The following MYPN variants were observed in gnomAD, a reference collection of about 807,000 sequenced individuals.
The protein encoded by MYPN is myopalladin.
Under a neutral mutation model 129.4 loss-of-function variants are expected in MYPN, and 63 were observed. The observed-to-expected ratio is 0.49, with a 90% CI of 0.40 to 0.60. The LOEUF (loss-of-function observed/expected upper bound fraction) is 0.60. MYPN is among the 20% of genes least tolerant of loss of function. The pLI, the probability that MYPN is intolerant of heterozygous loss-of-function variation, is 0.00. For missense variants in MYPN, 1,596 were observed against 1,635.4 expected, an observed-to-expected ratio of 0.98 and a Z score of 0.42; for synonymous variants, 629 against 600.9, an observed-to-expected ratio of 1.05 and a Z score of -0.68.
intron 2 of MYPN, chr10:68,136,592 T>C: frequency 6.7e-7 from 1 of 1,499,528 alleles, no homozygotes; most frequent in Non-Finnish European, 8.9e-7. Context: ...TACCGATTGT[T>C]TTTTTAGGCC....
chr10:68,123,820 G>C (rs2042287491), intron 2 of MYPN, among the ~76,000 whole-genome samples: 1 of 152,090 alleles, frequency 6.6e-6, no homozygotes, highest in African/African-American at 2.4e-5. Flanking sequence ...GACAGCGCAG[G>C]GCTACAATTT....
chr10:68,184,245 G>A (rs2043384913), intron 12 of MYPN, among the ~76,000 whole-genome samples: 3 of 152,216 alleles, frequency 2.0e-5, no homozygotes, highest in African/African-American at 7.2e-5. Flanking sequence ...ACTGGAAACA[G>A]ACTATGTGAG....
intron 1 of MYPN, among the ~76,000 whole-genome samples, chr10:68,120,378 A>G (rs1216490032): frequency 6.6e-6 from 1 of 152,232 alleles, no homozygotes; most frequent in Non-Finnish European, 1.5e-5. Context: ...TATAATTAAA[A>G]TTCAAAAGTT....
chr10:68,166,778 G>C (rs748229007), intron 10 of MYPN, 112 bp downstream of exon 10: 4 of 1,444,650 alleles, frequency 2.8e-6, no homozygotes, highest in Non-Finnish European at 3.8e-6. Context: ...CCTGTAATCC[G>C]AGCACTTTGG....
At chr10:68,099,345 G>A (rs1267583536) in intron 1 of MYPN, among the ~76,000 whole-genome samples, 1 of 152,156 alleles carries the variant, frequency 6.6e-6, no homozygotes, top group Admixed American at 6.5e-5. Context: ...GGGCAGGAGT[G>A]TTGTTTTGTT....
At position 68,197,454 on chromosome 10, in the gene MYPN, G is replaced by A. The variant is rs758210179; in HGVS notation, c.3261G>A (p.Gly1087=). Residue 1087 remains glycine, a synonymous_variant, in exon 16 of 20, where the codon GGG becomes GGA. Coordinates refer to ENST00000358913, the MANE Select transcript of MYPN (RefSeq NM_032578.4). ...QAPGDMVAHE[G]RLCRLDCKVS... ...CTGGGGATATGGTAGCTCATGAGGG[G>A]CGCCTCTGTCGGCTGGACTGTAAGG... is the stretch of plus-strand genomic sequence containing the variant. 3.2e-5 allele frequency: 52 copies of A among 1,613,864 alleles called. No homozygotes were observed. Among genetic ancestry groups the A allele is most frequent in the Non-Finnish European group, 4.3e-5 (51 of 1,179,934 alleles).
chr10:68,089,906 C>T (rs528537548), intron 1 of MYPN, among the ~76,000 whole-genome samples: 16 of 152,208 alleles, frequency 1.1e-4, no homozygotes, highest in African/African-American at 3.6e-4. Flanking sequence ...TGGATATGAT[C>T]TGATGGAATG....
chr10:68,158,534 T>C lies in MYPN; in HGVS notation c.1366T>C (p.Cys456Arg). ...TGAGGGTCAGCTGGTTGTCTTTGAA[T>C]GCAGAGTAAAAGGAGCTCCATCTCC... ...ASEGQLVVFECRVKGAPSPKV... is the reference protein window; with the variant it reads ...ASEGQLVVFERRVKGAPSPKV... Residue 456 changes from cysteine (C) to arginine (R), a missense_variant, in exon 7 of 20, where the codon TGC becomes CGC. Transcript: ENST00000358913. 6.2e-7 allele frequency: 1 copy of C among 1,613,992 alleles called. No individual in the cohort carries two copies. The highest frequency in any genetic ancestry group is 1.3e-5 in the African/African-American group (1 of 75,056).
intron 1 of MYPN, among the ~76,000 whole-genome samples, chr10:68,118,898 GA>G (rs1430825906): frequency 6.7e-6 from 1 of 149,696 alleles, no homozygotes; most frequent in African/African-American, 2.5e-5. Context: ...AGGAAGGAAG[GA>G]AGGAAGGAAG....
intron 2 of MYPN, chr10:68,136,567 AG>A (rs2042490181): frequency 6.8e-7 from 1 of 1,471,176 alleles, no homozygotes; most frequent in African/African-American, 1.4e-5. Context: ...ATGCTGTTAA[AG>A]TCAGAGTGAC....
chr10:68,118,732 G>A (rs951230480), intron 1 of MYPN, among the ~76,000 whole-genome samples: 3 of 152,036 alleles, frequency 2.0e-5, no homozygotes, highest in African/African-American at 7.2e-5. Context: ...TACTTGGGAG[G>A]TTGAGGAGGG....
intron 1 of MYPN, among the ~76,000 whole-genome samples, chr10:68,112,871 T>C (rs2042100569): frequency 6.6e-6 from 1 of 152,170 alleles, no homozygotes; most frequent in African/African-American, 2.4e-5. Flanking sequence ...GTGTACCAAG[T>C]ACACTCCATC....
At chr10:68,145,697 A>G (rs2042654383) in intron 4 of MYPN, among the ~76,000 whole-genome samples, 171 bp downstream of exon 4, 1 of 152,130 alleles carries the variant, frequency 6.6e-6, no homozygotes, top group Non-Finnish European at 1.5e-5. Context: ...TTTGAAGAAG[A>G]CCCTACTTTT....
intron 2 of MYPN, 35 bp from the exon 3 acceptor site, chr10:68,142,905 A>G (rs765218493): frequency 6.2e-7 from 1 of 1,600,080 alleles, no homozygotes; most frequent in East Asian, 2.2e-5. Context: ...CTTGCATTTG[A>G]GTCATGTCCA....
chr10:68,173,577 TA>T (rs1367119782), intron 10 of MYPN, among the ~76,000 whole-genome samples: 67 of 36,072 alleles, frequency 1.9e-3, no homozygotes, highest in Non-Finnish European at 2.5e-3. Context: ...CAAGTTATTT[TA>T]TTTATTTATT....
intron 7 of MYPN, among the ~76,000 whole-genome samples, chr10:68,161,154 T>C (rs2255027): frequency 0.64 from 97,948 of 151,882 alleles, 32,271 homozygotes; most frequent in Non-Finnish European, 0.7. Flanking sequence ...GGTTTATGTA[T>C]CCCAAGTGAA....
rs771716604 is a variant in MYPN at position 68,150,151 on chromosome 10, A to G, written c.1317+40A>G. On this transcript the variant is annotated intron_variant, in intron 6 of 19. Transcript: ENST00000358913. ...ACTTCTTTCTGTCATGGCTTTAAAGATACCACAGCACCCAAAGTTATAGGA... is the reference window on the plus strand; with the variant it reads ...ACTTCTTTCTGTCATGGCTTTAAAGGTACCACAGCACCCAAAGTTATAGGA... The G allele has an allele frequency of 2.0e-6, 3 of 1,497,284 alleles. No homozygotes were observed. In the South Asian group the frequency reaches 3.4e-5, roughly 17 times the overall value. The allele number at this position is 1,497,284 out of a possible 1,614,324, so 92.7% of individuals were successfully genotyped here. A position where few individuals can be genotyped will look rare whatever the true frequency, so the allele number is the denominator to read the frequency against.
rs954392875 is a variant in MYPN, at chr10:68,210,735, C to A, written c.*280C>A. On this transcript the variant is annotated 3_prime_UTR_variant, in exon 20 of 20. Transcript: ENST00000358913. The stretch of plus-strand genomic sequence containing the variant: ...TGCCATCCACTGCTTTGGGAAAAAA[C>A]TAGCATGCTCCCCTGCTCCCTGTTG... The A allele has an allele frequency of 3.7e-6, 2 of 539,622 alleles. No homozygotes were observed. The highest frequency in any genetic ancestry group is 4.6e-5 in the East Asian group (1 of 21,764). The allele number at this position is 539,622 out of a possible 1,614,324, so 33.4% of individuals were successfully genotyped here.
At chr10:68,157,716 C>G (rs889359184) in intron 6 of MYPN, among the ~76,000 whole-genome samples, 4 of 150,006 alleles carry the variant, frequency 2.7e-5, no homozygotes, top group Admixed American at 2.7e-4. Flanking sequence ...GTGACCTGTG[C>G]CTTTAGTCCC....
Sources: allele counts gnomAD v4.1 joint callset (sites outside exome capture counted in the v4.1 genomes callset), GRCh38; gene constraint gnomAD v4.1.1; transcripts MANE v1.5; gene names NCBI Gene and HGNC (gene_info 2026-07-23, HGNC 2026-07-21).